KCNAB1: variants seen among roughly 807,000 people sequenced by gnomAD.
KCNAB1 encodes the protein potassium voltage-gated channel subfamily A regulatory beta subunit 1, also known as voltage-gated potassium channel subunit beta-1.
Under a neutral mutation model 64.6 loss-of-function variants are expected in KCNAB1, and 35 were observed. The observed-to-expected ratio is 0.54, with a 90% CI of 0.41 to 0.72. KCNAB1 has a LOEUF of 0.72. Ranked by LOEUF, KCNAB1 falls within the 30% of genes least tolerant of loss-of-function variation. KCNAB1 has a pLI of 0.00. For synonymous variants in KCNAB1, 177 were observed against 183.8 expected (o/e 0.96, Z 0.30); for missense variants, 401 against 512.9 (o/e 0.78, Z 2.11).
chr3:156,421,496 G>T (rs1715463047), intron 1 of KCNAB1, 120 bp from the exon 2 acceptor site: 1 of 902,448 alleles, frequency 1.1e-6, no homozygotes, highest in East Asian at 2.5e-5. Context: ...CGGCATCTGT[G>T]GTTCTGCCTC....
At chr3:156,407,279 C>T (rs1024593798) in intron 1 of KCNAB1, among the ~76,000 whole-genome samples, 2 of 152,148 alleles carry the variant, frequency 1.3e-5, no homozygotes, top group African/African-American at 4.8e-5. Context: ...ATTCTCTTCC[C>T]CAAGGTATTT....
chr3:156,320,341 T>A (rs796506354), intron 1 of KCNAB1, among the ~76,000 whole-genome samples: 2 of 152,340 alleles, frequency 1.3e-5, no homozygotes, highest in East Asian at 1.9e-4. Flanking sequence ...AGAATCTACA[T>A]AATCCTACAC....
At chr3:156,345,771 C>T (rs181316688) in intron 1 of KCNAB1, among the ~76,000 whole-genome samples, 1 of 152,140 alleles carries the variant, frequency 6.6e-6, no homozygotes, top group East Asian at 1.9e-4. Flanking sequence ...CTCCAATTTG[C>T]ACTAGAAATG....
chr3:156,293,682 A>T (rs1354423805), intron 1 of KCNAB1, among the ~76,000 whole-genome samples: 2 of 152,204 alleles, frequency 1.3e-5, no homozygotes, highest in African/African-American at 4.8e-5. Flanking sequence ...TCATTGAAGC[A>T]TCAGCTGTGT....
rs1368737839 is a variant in KCNAB1, at chr3:156,281,944, G to T, written c.276-139672G>T. Among the ~76,000 whole-genome samples, 5 of 149,152 alleles carry T rather than the reference G, an allele frequency of 3.4e-5. No homozygotes were observed. The East Asian group carries it at 9.9e-4, about 29-fold the overall frequency. ...CCTGGATTCATTAATTTTTTGAAGG[G>T]TTTTTTGTGTCTCTATTTCCTTCAG... On this transcript the variant is annotated intron_variant, in intron 1 of 13. Coordinates refer to ENST00000490337, the MANE Select transcript of KCNAB1 (RefSeq NM_172160.3).
At chr3:156,343,319 T>C (rs183932319) in intron 1 of KCNAB1, among the ~76,000 whole-genome samples, 21 of 152,352 alleles carry the variant, frequency 1.4e-4, no homozygotes, top group Admixed American at 1.2e-3. Context: ...TCCCAGGTGA[T>C]GCTGTTGCTG....
Position 156,537,240 on chromosome 3 carries a change from CAA to C in KCNAB1, c.*504_*505del, listed in dbSNP as rs3085726. On this transcript the variant is annotated 3_prime_UTR_variant, in exon 14 of 14. Transcript: ENST00000490337. ...TAGTTATTAAAAATATATCTCACTG[CAA>C]AAAAAAAAAAGCAGTATCTTCACTC... 0.021 allele frequency: 7,033 copies of C among 339,656 alleles called. No individual in the cohort carries two copies. The highest frequency in any genetic ancestry group is 0.043 in the East Asian group (926 of 21,296). The allele number at this position is 339,656 out of a possible 1,614,324, so 21.0% of individuals were successfully genotyped here.
intron 1 of KCNAB1, among the ~76,000 whole-genome samples, chr3:156,338,832 C>A: frequency 6.6e-6 from 1 of 152,138 alleles, no homozygotes; most frequent in Non-Finnish European, 1.5e-5. Context: ...TTGTCCTGTG[C>A]CTTTATCTCC....
chr3:156,394,493 C>T (rs1713279642), intron 1 of KCNAB1, among the ~76,000 whole-genome samples: 1 of 152,192 alleles, frequency 6.6e-6, no homozygotes, highest in African/African-American at 2.4e-5. Context: ...AGGACCTCTT[C>T]CTCAGCTGAC....
intron 1 of KCNAB1, among the ~76,000 whole-genome samples, chr3:156,390,088 A>G (rs1712918718): frequency 6.6e-6 from 1 of 152,192 alleles, no homozygotes. Context: ...TAATAACACA[A>G]GGGGGAACTG....
Position 156,179,000 on chromosome 3 carries a change from CAAAAAAAAA to C in KCNAB1, c.275+58133_275+58141del, listed in dbSNP as rs200144513. Among the ~76,000 whole-genome samples the C allele has an allele frequency of 2.9e-3, 313 of 108,046 alleles. 2 individuals are homozygous for C. Among genetic ancestry groups the C allele is most frequent in the African/African-American group, 0.012 (299 of 23,966 alleles). The allele number at this position is 108,046 out of a possible 152,430, so 70.9% of individuals were successfully genotyped here. ...TGGGAGACACAGCGAGACTCCGTCT[CAAAAAAAAA>C]AAAAAAAAAAAAAAAAAATTGATTA... On this transcript the variant is annotated intron_variant, in intron 1 of 13. Coordinates refer to ENST00000490337, the MANE Select transcript of KCNAB1 (RefSeq NM_172160.3).
intron 1 of KCNAB1, among the ~76,000 whole-genome samples, chr3:156,415,984 C>A (rs1389363172): frequency 6.6e-6 from 1 of 152,188 alleles, no homozygotes; most frequent in Non-Finnish European, 1.5e-5. Flanking sequence ...AAAAGCACCC[C>A]TCTTCACCCA....
At chr3:156,287,983 G>A (rs561878480) in intron 1 of KCNAB1, among the ~76,000 whole-genome samples, 4 of 152,132 alleles carry the variant, frequency 2.6e-5, no homozygotes, top group African/African-American at 7.2e-5. Flanking sequence ...GTATTAATTT[G>A]TTATGGCTGC....
chr3:156,165,644 A>G (rs190476592), intron 1 of KCNAB1, among the ~76,000 whole-genome samples: 1 of 152,356 alleles, frequency 6.6e-6, no homozygotes, highest in African/African-American at 2.4e-5. Flanking sequence ...TAATTTGCTT[A>G]CAGATCTTTT....
chr3:156,200,496 C>G (rs1361383279), intron 1 of KCNAB1, among the ~76,000 whole-genome samples: 1 of 152,202 alleles, frequency 6.6e-6, no homozygotes, highest in African/African-American at 2.4e-5. Flanking sequence ...GGGCTGGTGC[C>G]TTTCTTTCAG....
At chr3:156,175,809 C>A in intron 1 of KCNAB1, 1 of 610,060 alleles carries the variant, frequency 1.6e-6, no homozygotes, top group Non-Finnish European at 3.1e-6. Context: ...TTTGACGTCA[C>A]TTATGCAGTC....
At position 156,464,972 on chromosome 3, in the gene KCNAB1, A is replaced by G. The variant is rs374777581; in HGVS notation, c.528-671A>G. Among the ~76,000 whole-genome samples the G allele has an allele frequency of 3.3e-5, 5 of 152,322 alleles. No individual in the cohort carries two copies. The East Asian group carries it at 5.8e-4, about 18-fold the overall frequency. On this transcript the variant is annotated intron_variant, in intron 6 of 13. Coordinates refer to ENST00000490337, the MANE Select transcript of KCNAB1 (RefSeq NM_172160.3). ...AATACCAAATAAGAATACATTCACAAAAGTGAATGGTAAATATTATATTTA... is the reference window on the plus strand; with the variant it reads ...AATACCAAATAAGAATACATTCACAGAAGTGAATGGTAAATATTATATTTA...
chr3:156,257,839 A>G (rs1488512922), intron 1 of KCNAB1, among the ~76,000 whole-genome samples: 2 of 152,170 alleles, frequency 1.3e-5, no homozygotes, highest in East Asian at 3.9e-4. Flanking sequence ...TAGGAGTTGT[A>G]CAGTTATTAA....
intron 4 of KCNAB1, among the ~76,000 whole-genome samples, chr3:156,458,935 A>G (rs531686114): frequency 6.6e-6 from 1 of 152,348 alleles, no homozygotes; most frequent in African/African-American, 2.4e-5. Context: ...GTAAGACTCA[A>G]TGCTTGTCTC....
Sources: gnomAD v4.1 joint callset for allele counts (sites outside exome capture counted in the v4.1 genomes callset) on GRCh38, gnomAD v4.1.1 for gene constraint, MANE v1.5 for transcripts, NCBI Gene and HGNC (gene_info 2026-07-23, HGNC 2026-07-21) for gene names.